Variants in RPS6KB1 observed in about 807,000 individuals in gnomAD.
RPS6KB1 encodes ribosomal protein S6 kinase beta-1.
RPS6KB1 carries 12 observed loss-of-function variants against 70.2 expected under a neutral mutation model. That is an observed-to-expected ratio of 0.17 (90% CI 0.11 to 0.28). The LOEUF is 0.28. Among genes scored for constraint, RPS6KB1 ranks in the 10% least tolerant of loss-of-function variants. The pLI, the probability that RPS6KB1 is intolerant of heterozygous loss-of-function variation, is 1.00. For synonymous variants in RPS6KB1, 175 were observed against 211.2 expected (o/e 0.83, Z 1.49); for missense variants, 270 against 646.6 (o/e 0.42, Z 6.32).
chr17:59,907,767 C>A (rs1364102011), intron 1 of RPS6KB1, among the ~76,000 whole-genome samples: 3 of 152,022 alleles, frequency 2.0e-5, no homozygotes, highest in Non-Finnish European at 4.4e-5. Flanking sequence ...GTCTTGAACT[C>A]CAAGTAATCC....
At chr17:59,899,637 A>G (rs2041789614) in intron 1 of RPS6KB1, among the ~76,000 whole-genome samples, 1 of 152,230 alleles carries the variant, frequency 6.6e-6, no homozygotes, top group Non-Finnish European at 1.5e-5. Flanking sequence ...AAAGACAAAA[A>G]AAACCTTTAA....
rs568833789 is a variant in RPS6KB1, at chr17:59,927,196, G to C, written c.529+614G>C. ...CTCCTGGAGTTCAAGCGATTCTCCT[G>C]CCTCAGCCTCCCGAGTAGCTGGGAT... On this transcript the variant is annotated intron_variant, in intron 5 of 14. Coordinates refer to ENST00000225577, the MANE Select transcript of RPS6KB1 (RefSeq NM_003161.4). Among the ~76,000 whole-genome samples, 4 of 152,146 alleles carry C rather than the reference G, an allele frequency of 2.6e-5. No homozygotes were observed. The East Asian group carries it at 7.7e-4, about 29-fold the overall frequency.
At chr17:59,924,949 C>T (rs1021048981) in intron 4 of RPS6KB1, among the ~76,000 whole-genome samples, 19 of 152,058 alleles carry the variant, frequency 1.2e-4, no homozygotes, top group Admixed American at 7.9e-4. Context: ...CCGCCTCAGC[C>T]TCCCAAGTAG....
At position 59,948,820 on chromosome 17, in the gene RPS6KB1, A is replaced by T. The variant is rs999241087; in HGVS notation, c.*2032A>T. 3 of 152,624 alleles carry T rather than the reference A, an allele frequency of 2.0e-5. No homozygotes were observed. Among genetic ancestry groups the T allele is most frequent in the African/African-American group, 7.2e-5 (3 of 41,452 alleles). The allele number at this position is 152,624 out of a possible 1,614,324, so 9.5% of individuals were successfully genotyped here. On this transcript the variant is annotated 3_prime_UTR_variant, in exon 15 of 15. Coordinates refer to ENST00000225577, the MANE Select transcript of RPS6KB1 (RefSeq NM_003161.4). ...GTTCTTTGACAATTTGTGATGTCTGAAAAAACAGAACCCGAAAAGCTATGG... is the reference window on the plus strand; with the variant it reads ...GTTCTTTGACAATTTGTGATGTCTGTAAAAACAGAACCCGAAAAGCTATGG...
Position 59,924,122 on chromosome 17 carries a change from A to G in RPS6KB1, c.382-2313A>G, listed in dbSNP as rs181848629. ...GCCAAGGCGGGCGGATCATGAGCTCAGTTCGAAACCAGCCTGGCCAGCATG... is the reference window on the plus strand; with the variant it reads ...GCCAAGGCGGGCGGATCATGAGCTCGGTTCGAAACCAGCCTGGCCAGCATG... On this transcript the variant is annotated intron_variant, in intron 4 of 14. Transcript: ENST00000225577. 2.6e-4 allele frequency among the ~76,000 whole-genome samples: 39 copies of G among 152,254 alleles called. 1 individual carries two copies. The highest frequency in any genetic ancestry group is 1.0e-3 in the South Asian group (5 of 4,826).
intron 1 of RPS6KB1, among the ~76,000 whole-genome samples, chr17:59,898,475 C>T (rs772263150): frequency 7.9e-5 from 12 of 151,726 alleles, no homozygotes; most frequent in African/African-American, 2.4e-4. Flanking sequence ...TTTTTTGAGA[C>T]GGAGTTTTGC....
At position 59,910,561 on chromosome 17, in the gene RPS6KB1, G is replaced by T; in HGVS notation, c.142-1G>T. 6.4e-7 allele frequency: 1 copy of T among 1,573,172 alleles called. No individual in the cohort carries two copies. Among genetic ancestry groups the T allele is most frequent in the Admixed American group, 1.8e-5 (1 of 56,916 alleles). ...TCTGAAACTTTTAACATATTTTTCAGGGTCAGTTAAATGAAAGCATGGACC... is the reference window on the plus strand; with the variant it reads ...TCTGAAACTTTTAACATATTTTTCATGGTCAGTTAAATGAAAGCATGGACC... On this transcript the variant is annotated splice_acceptor_variant, in intron 1 of 14. Coordinates refer to ENST00000225577, the MANE Select transcript of RPS6KB1 (RefSeq NM_003161.4). LOFTEE classifies it high-confidence loss of function.
intron 4 of RPS6KB1, among the ~76,000 whole-genome samples, chr17:59,915,929 G>T (rs1336369470): frequency 2.6e-5 from 4 of 150,968 alleles, no homozygotes. Context: ...GGGATTACAG[G>T]CATGTGCCAC....
intron 4 of RPS6KB1, among the ~76,000 whole-genome samples, chr17:59,916,627 C>T (rs927373264): frequency 6.6e-6 from 1 of 152,192 alleles, no homozygotes; most frequent in Non-Finnish European, 1.5e-5. Context: ...AACTTTCTAT[C>T]CACCTGTTCC....
At chr17:59,943,782 A>G (rs566558699) in intron 13 of RPS6KB1, among the ~76,000 whole-genome samples, 3 of 151,298 alleles carry the variant, frequency 2.0e-5, no homozygotes, top group African/African-American at 7.3e-5. Flanking sequence ...AGGCAGGAGA[A>G]TCGCTTGAAC....
chr17:59,949,935 C>A lies in RPS6KB1; in HGVS notation c.*3147C>A, dbSNP rs1451314175. ...GGTTCCTAGCTTACAAGGGCTAGAT[C>A]TAAGATTATTCCCATGAGAAATGTT... On this transcript the variant is annotated 3_prime_UTR_variant, in exon 15 of 15. Transcript: ENST00000225577. 6.6e-6 allele frequency: 1 copy of A among 152,390 alleles called. No individual in the cohort carries two copies. The highest frequency in any genetic ancestry group is 2.4e-5 in the African/African-American group (1 of 41,384). 9.4% of individuals were successfully genotyped at this position (152,390 alleles called of 1,614,324 possible).
chr17:59,945,286 G>A (rs1209789844), intron 13 of RPS6KB1, 120 bp from the exon 14 acceptor site: 1 of 602,436 alleles, frequency 1.7e-6, no homozygotes, highest in East Asian at 2.8e-5. Context: ...ACGTGGGAGA[G>A]TGTACACATT....
intron 4 of RPS6KB1, among the ~76,000 whole-genome samples, chr17:59,924,103 G>T (rs1387830928): frequency 6.6e-6 from 1 of 152,232 alleles, no homozygotes; most frequent in South Asian, 2.1e-4. Flanking sequence ...GGAGGCCAAG[G>T]CGGGCGGATC....
At chr17:59,926,278 T>C (rs761638571) in intron 4 of RPS6KB1, 157 bp from the exon 5 acceptor site, 1 of 611,236 alleles carries the variant, frequency 1.6e-6, no homozygotes, top group Non-Finnish European at 2.8e-6. Flanking sequence ...ATATATAAAG[T>C]GAATGTTTTC....
In RPS6KB1 at chr17:59,912,534, T is replaced by G. The variant is rs2042710968; in HGVS notation, c.192-150T>G. 5.8e-6 allele frequency: 4 copies of G among 695,536 alleles called. No homozygotes were observed. In the South Asian group the frequency reaches 8.3e-5, roughly 14 times the overall value. The allele number at this position is 695,536 out of a possible 1,614,324, so 43.1% of individuals were successfully genotyped here. ...CCACCCTCCTCTTGACCTGCTGTTC[T>G]GTTTGTTTAGAGCACAAATAATTTG... On this transcript the variant is annotated intron_variant, in intron 2 of 14. Transcript: ENST00000225577.
intron 13 of RPS6KB1, among the ~76,000 whole-genome samples, chr17:59,941,319 CTTT>C (rs34530239): frequency 6.4e-5 from 8 of 125,014 alleles, no homozygotes; most frequent in African/African-American, 8.8e-5. Context: ...ATTTTTGGTA[CTTT>C]TTTTTTTTTT....
chr17:59,900,171 A>AAC (rs759914423), intron 1 of RPS6KB1, among the ~76,000 whole-genome samples: 10,182 of 102,164 alleles, frequency 0.1, 561 homozygotes, highest in Non-Finnish European at 0.12. Flanking sequence ...CTAATTGCTA[A>AAC]ACACACACAC....
At position 59,947,734 on chromosome 17, in the gene RPS6KB1, G is replaced by A; in HGVS notation, c.*946G>A. On this transcript the variant is annotated 3_prime_UTR_variant, in exon 15 of 15. Transcript: ENST00000225577. Reference sequence around the variant, plus strand: ...CAGTATTTGGTTCAAGACACCAAATGTCTTCAGCCCATGGCTGAAGAACAA... The same window carrying A: ...CAGTATTTGGTTCAAGACACCAAATATCTTCAGCCCATGGCTGAAGAACAA... The A allele has an allele frequency of 3.1e-6, 2 of 649,426 alleles. No homozygotes were observed. Among genetic ancestry groups the A allele is most frequent in the South Asian group, 3.6e-5 (2 of 55,104 alleles). 40.2% of individuals were successfully genotyped at this position (649,426 alleles called of 1,614,324 possible).
chr17:59,935,178 G>A lies in RPS6KB1; in HGVS notation c.871-15G>A, dbSNP rs1209948767. On this transcript the variant is annotated splice_polypyrimidine_tract_variant and intron_variant, in intron 9 of 14. Transcript: ENST00000225577. Reference sequence around the variant, plus strand: ...CTCTCCCTGCTAATATTTTTCACTTGTCTTCTACTCTTAGCCCCCATTCAC... The same window carrying A: ...CTCTCCCTGCTAATATTTTTCACTTATCTTCTACTCTTAGCCCCCATTCAC... 2 of 1,511,148 alleles carry A rather than the reference G, an allele frequency of 1.3e-6. No individual in the cohort carries two copies. Among genetic ancestry groups the A allele is most frequent in the South Asian group, 2.3e-5 (2 of 85,922 alleles). 93.6% of individuals were successfully genotyped at this position (1,511,148 alleles called of 1,614,324 possible).
Sources: gnomAD v4.1 joint callset for allele counts (sites outside exome capture counted in the v4.1 genomes callset) on GRCh38, gnomAD v4.1.1 for gene constraint, MANE v1.5 for transcripts, NCBI Gene and HGNC (gene_info 2026-07-23, HGNC 2026-07-21) for gene names.